RGS22: variants seen among roughly 807,000 people sequenced by gnomAD.
RGS22 encodes the protein regulator of G-protein signaling 22.
RGS22 carries 148 observed loss-of-function variants against 172.9 expected under a neutral mutation model. That is an observed-to-expected ratio of 0.86 (90% CI 0.75 to 0.98). The LOEUF is 0.98. Ranked by LOEUF, RGS22 falls within the 50% of genes least tolerant of loss-of-function variation. The pLI is 0.00. For synonymous variants in RGS22, 458 were observed against 480.2 expected (o/e 0.95, Z 0.60); for missense variants, 1,347 against 1,440.8 (o/e 0.93, Z 1.05).
chr8:100,015,314 A>G (rs1816825873), intron 14 of RGS22, among the ~76,000 whole-genome samples: 1 of 150,550 alleles, frequency 6.6e-6, no homozygotes, highest in African/African-American at 2.4e-5. Flanking sequence ...TCTTCTTGAG[A>G]TGGAGTCTTG....
rs201790360 is a variant in RGS22, at chr8:99,983,321, G to A, written c.3181-1205C>T. On this transcript the variant is annotated intron_variant, in intron 21 of 27. Transcript: ENST00000360863. The stretch of plus-strand genomic sequence containing the variant: ...TTATTCTCCTTGGGGTATACATCCA[G>A]TAATGGGATGGCTGGGTCAAATGGT... Among the ~76,000 whole-genome samples, 10 of 152,312 alleles carry A rather than the reference G, an allele frequency of 6.6e-5. No individual in the cohort carries two copies. In the East Asian group the frequency reaches 1.9e-3, roughly 29 times the overall value.
chr8:99,975,131 G>A (rs1811796275), intron 23 of RGS22, among the ~76,000 whole-genome samples: 1 of 151,516 alleles, frequency 6.6e-6, no homozygotes, highest in South Asian at 2.1e-4. Context: ...GGGCGACAGA[G>A]TGAGACTCCA....
intron 14 of RGS22, among the ~76,000 whole-genome samples, chr8:100,016,978 CTTTTTT>C (rs71274949): frequency 0.016 from 589 of 35,910 alleles, no homozygotes; most frequent in South Asian, 0.045. Flanking sequence ...CCTTACCAGT[CTTTTTT>C]TTTTTTTTTT....
chr8:99,986,651 A>G (rs1219524098), intron 21 of RGS22, among the ~76,000 whole-genome samples: 1 of 152,202 alleles, frequency 6.6e-6, no homozygotes, highest in Non-Finnish European at 1.5e-5. Context: ...TTAAACACTT[A>G]ACCCTGAAAA....
At chr8:100,090,061 C>G (rs1465166606) in intron 3 of RGS22, among the ~76,000 whole-genome samples, 1 of 152,292 alleles carries the variant, frequency 6.6e-6, no homozygotes, top group African/African-American at 2.4e-5. Context: ...TCCCATTAAA[C>G]AGTGATTGCC....
chr8:100,064,015 G>GTAA lies in RGS22; in HGVS notation c.752_753insTTA (p.His251_Pro252insTyr). 2 of 1,520,922 alleles carry GTAA rather than the reference G, an allele frequency of 1.3e-6. No individual in the cohort carries two copies. Among genetic ancestry groups the GTAA allele is most frequent in the Non-Finnish European group, 1.8e-6 (2 of 1,139,504 alleles). 94.2% of individuals were successfully genotyped at this position (1,520,922 alleles called of 1,614,324 possible). ...TAGATGGGTCCTTTTTTGTCCTAGG[G>GTAA]TGAACTCCATCATCAAAGATAAAAT... On this transcript the variant is annotated inframe_insertion, in exon 8 of 28. Transcript: ENST00000360863.
intron 14 of RGS22, among the ~76,000 whole-genome samples, chr8:100,037,078 T>G (rs559950880): frequency 6.6e-6 from 1 of 152,332 alleles, no homozygotes; most frequent in East Asian, 1.9e-4. Context: ...TTCTTGTATC[T>G]TAAGTCACAG....
At chr8:100,019,216 G>A (rs1047751528) in intron 14 of RGS22, among the ~76,000 whole-genome samples, 2 of 152,178 alleles carry the variant, frequency 1.3e-5, no homozygotes, top group Non-Finnish European at 2.9e-5. Flanking sequence ...ACTTATCTGC[G>A]TTCCAATGAA....
In RGS22 at chr8:100,004,045, T is replaced by C. The variant is rs371132678; in HGVS notation, c.2508A>G (p.Lys836=). ...TGILSLSNVS[K]RTEYWDNVPA... is the part of the protein sequence containing the mutation. ...GAACATTATCCCAATATTCTGTTCG[T>C]TTAGAGACGTTAGAGAGTGATAAAA... Residue 836 remains lysine (K), a synonymous_variant, in exon 17 of 28, where the codon AAA becomes AAG. Coordinates refer to ENST00000360863, the MANE Select transcript of RGS22 (RefSeq NM_015668.5). The C allele has an allele frequency of 8.7e-6, 14 of 1,611,758 alleles. No homozygotes were observed. The highest frequency in any genetic ancestry group is 1.1e-5 in the Non-Finnish European group (13 of 1,178,772).
At chr8:100,020,662 T>G (rs886215576) in intron 14 of RGS22, among the ~76,000 whole-genome samples, 1 of 152,180 alleles carries the variant, frequency 6.6e-6, no homozygotes, top group African/African-American at 2.4e-5. Context: ...TTCATAAACA[T>G]TCAGGAATTT....
chr8:100,004,856 A>T (rs1455577014), intron 16 of RGS22, among the ~76,000 whole-genome samples: 1 of 151,682 alleles, frequency 6.6e-6, no homozygotes, highest in Non-Finnish European at 1.5e-5. Context: ...ATAAAAGTTA[A>T]TTTTTAGGTA....
At chr8:99,977,216 G>C (rs1403058999) in intron 23 of RGS22, among the ~76,000 whole-genome samples, 1 of 150,580 alleles carries the variant, frequency 6.6e-6, no homozygotes, top group African/African-American at 2.4e-5. Flanking sequence ...CAATTCTCCT[G>C]CCTCAGCCTC....
intron 14 of RGS22, among the ~76,000 whole-genome samples, chr8:100,010,873 G>T (rs1816305303): frequency 6.6e-6 from 1 of 151,060 alleles, no homozygotes; most frequent in Non-Finnish European, 1.5e-5. Context: ...CGAACTCCTG[G>T]GCTCAAGCAA....
intron 20 of RGS22, among the ~76,000 whole-genome samples, chr8:99,990,567 A>G (rs753379288): frequency 6.6e-6 from 1 of 152,154 alleles, no homozygotes; most frequent in Non-Finnish European, 1.5e-5. Flanking sequence ...CACAATGCAT[A>G]TGGTTCTTGG....
chr8:100,027,277 G>A (rs990472345), intron 14 of RGS22, among the ~76,000 whole-genome samples: 1 of 151,928 alleles, frequency 6.6e-6, no homozygotes, highest in Non-Finnish European at 1.5e-5. Flanking sequence ...TTTTAAATAC[G>A]ACTGAAGTGC....
chr8:100,068,422 G>A (rs1468390232), intron 6 of RGS22, among the ~76,000 whole-genome samples: 3 of 152,112 alleles, frequency 2.0e-5, no homozygotes, highest in African/African-American at 4.8e-5. Flanking sequence ...CAGTGTTAAA[G>A]TATTACTCAA....
At position 100,071,365 on chromosome 8, in the gene RGS22, T is replaced by C; in HGVS notation, c.594+4A>G. ...AAGTCATGAAAAAATGCTCATACTT[T>C]TACCTCACCAAGTGATACATAGAAC... On this transcript the variant is annotated splice_donor_region_variant and intron_variant, in intron 6 of 27. Coordinates refer to ENST00000360863, the MANE Select transcript of RGS22 (RefSeq NM_015668.5). The C allele has an allele frequency of 6.3e-7, 1 of 1,599,166 alleles. No homozygotes were observed. The highest frequency in any genetic ancestry group is 8.5e-7 in the Non-Finnish European group (1 of 1,174,386).
At chr8:99,975,002 C>T (rs1355063606) in intron 23 of RGS22, among the ~76,000 whole-genome samples, 2 of 151,866 alleles carry the variant, frequency 1.3e-5, no homozygotes, top group Admixed American at 1.3e-4. Flanking sequence ...AAAAATTAGC[C>T]AGGCGTGGTG....
chr8:99,971,443 G>A (rs1811331325), intron 23 of RGS22, among the ~76,000 whole-genome samples: 1 of 152,164 alleles, frequency 6.6e-6, no homozygotes, highest in Non-Finnish European at 1.5e-5. Context: ...AATTGTCTCT[G>A]TTTGCAGATG....
Sources: allele counts gnomAD v4.1 joint callset (sites outside exome capture counted in the v4.1 genomes callset), GRCh38; gene constraint gnomAD v4.1.1; transcripts MANE v1.5; gene names NCBI Gene and HGNC (gene_info 2026-07-23, HGNC 2026-07-21).